TRPC5: variants seen among roughly 807,000 people sequenced by gnomAD.
TRPC5 encodes transient receptor potential cation channel subfamily C member 5, also known as short transient receptor potential channel 5.
TRPC5 carries 9 observed loss-of-function variants against 56.5 expected under a neutral mutation model. The ratio of observed to expected loss-of-function variants is 0.16; its 90% CI spans 0.10 to 0.28. The LOEUF is 0.28. Ranked by LOEUF, TRPC5 falls within the 10% of genes least tolerant of loss-of-function variation. The pLI is 1.00. For missense variants in TRPC5, 469 were observed against 748.9 expected, an observed-to-expected ratio of 0.63 and a Z score of 4.36; for synonymous variants, 282 against 278.5, an observed-to-expected ratio of 1.01 and a Z score of -0.13.
chrX:112,074,317 T>TATATA (rs773308138), intron 1 of TRPC5, among the ~76,000 whole-genome samples: 106 of 106,514 alleles, frequency 1.0e-3, no homozygotes, highest in African/African-American at 3.1e-3. Flanking sequence ...ATATATATAT[T>TATATA]TTTTATTGGG....
chrX:111,791,347 G>A (rs760315549), intron 7 of TRPC5, among the ~76,000 whole-genome samples: 1 of 111,697 alleles, frequency 9.0e-6, no homozygotes, highest in African/African-American at 3.2e-5. Flanking sequence ...AGCAAAGAAG[G>A]AGGCTATCCA....
chrX:111,966,122 T>C (rs528175182), intron 1 of TRPC5, among the ~76,000 whole-genome samples: 2,720 of 110,134 alleles, frequency 0.025, 86 homozygotes, highest in African/African-American at 0.084. Context: ...ATCAAATAGA[T>C]GCAATAAAAA....
At chrX:111,824,183 T>C (rs1263188481) in intron 7 of TRPC5, among the ~76,000 whole-genome samples, 3 of 105,484 alleles carry the variant, frequency 2.8e-5, no homozygotes, top group Non-Finnish European at 3.9e-5. Flanking sequence ...AGAGCTGAGA[T>C]TGTGCCACTG....
At chrX:112,028,266 CT>C (rs373476071) in intron 1 of TRPC5, among the ~76,000 whole-genome samples, 3,026 of 108,807 alleles carry the variant, frequency 0.028, 111 homozygotes, top group African/African-American at 0.095. Context: ...GTGCTTTTAA[CT>C]TTTTTTTTTC....
intron 7 of TRPC5, among the ~76,000 whole-genome samples, chrX:111,811,419 GCA>G (rs369105596): frequency 3.6e-5 from 4 of 112,111 alleles, no homozygotes; most frequent in Non-Finnish European, 5.6e-5. Context: ...GCTTGCGCGT[GCA>G]CACACACACA....
intron 3 of TRPC5, among the ~76,000 whole-genome samples, chrX:111,906,612 G>A (rs1271639355): frequency 9.0e-6 from 1 of 111,678 alleles, no homozygotes; most frequent in African/African-American, 3.2e-5. Flanking sequence ...TGTTCTGTGT[G>A]AAATACAGCT....
intron 1 of TRPC5, among the ~76,000 whole-genome samples, chrX:112,005,482 A>AAAAAAAAAAAAAAAAAAAC (rs1928814352): frequency 9.3e-6 from 1 of 107,688 alleles, no homozygotes; most frequent in African/African-American, 3.5e-5. Flanking sequence ...AAAAAAAAAA[A>AAAAAAAAAAAAAAAAAAAC]TATCTTACCA....
At chrX:111,782,503 T>C (rs1237682921) in intron 7 of TRPC5, among the ~76,000 whole-genome samples, 3 of 111,062 alleles carry the variant, frequency 2.7e-5, no homozygotes, top group Non-Finnish European at 5.7e-5. Context: ...TATGTATATA[T>C]ATGCATCTGT....
intron 1 of TRPC5, among the ~76,000 whole-genome samples, chrX:112,012,901 A>G (rs999781865): frequency 1.8e-5 from 2 of 111,613 alleles, no homozygotes; most frequent in African/African-American, 6.5e-5. Flanking sequence ...AGCTACTCCA[A>G]ACAACTTCCT....
chrX:112,013,878 G>A (rs967834636), intron 1 of TRPC5, among the ~76,000 whole-genome samples: 1 of 111,764 alleles, frequency 8.9e-6, no homozygotes, highest in Non-Finnish European at 1.9e-5. Flanking sequence ...TCAGAGAAGG[G>A]CATCGTTGGG....
chrX:111,916,003 T>A (rs1191917480), intron 2 of TRPC5, among the ~76,000 whole-genome samples: 1 of 110,571 alleles, frequency 9.0e-6, no homozygotes, highest in Non-Finnish European at 1.9e-5. Context: ...CAAGCACCTG[T>A]AGTCCCAGCT....
chrX:111,867,064 C>T (rs1254974564), intron 3 of TRPC5, among the ~76,000 whole-genome samples: 4 of 111,527 alleles, frequency 3.6e-5, no homozygotes, highest in South Asian at 3.8e-4. Flanking sequence ...CTAACTCATG[C>T]GAAACAAGTA....
chrX:111,979,462 G>A (rs980051732), intron 1 of TRPC5, among the ~76,000 whole-genome samples: 5 of 111,076 alleles, frequency 4.5e-5, no homozygotes. Context: ...ATAGATGAAA[G>A]GAAAGATTAA....
intron 1 of TRPC5, among the ~76,000 whole-genome samples, chrX:112,015,497 G>T (rs1312745768): frequency 9.0e-6 from 1 of 111,450 alleles, no homozygotes; most frequent in African/African-American, 3.3e-5. Context: ...GGGATTACAG[G>T]TGTGGGCCAC....
intron 7 of TRPC5, among the ~76,000 whole-genome samples, chrX:111,810,387 T>C: frequency 9.0e-6 from 1 of 111,526 alleles, no homozygotes; most frequent in South Asian, 3.8e-4. Context: ...ACTCTAATCT[T>C]AGGTAACAAA....
intron 1 of TRPC5, among the ~76,000 whole-genome samples, chrX:112,023,519 C>A (rs746982484): frequency 9.1e-6 from 1 of 109,444 alleles, no homozygotes; most frequent in Non-Finnish European, 1.9e-5. Flanking sequence ...GTATAAGAGG[C>A]TTCCTGTCAG....
At chrX:111,777,639 T>C (rs1945889103) in intron 10 of TRPC5, among the ~76,000 whole-genome samples, 1 of 111,895 alleles carries the variant, frequency 8.9e-6, no homozygotes, top group Non-Finnish European at 1.9e-5. Context: ...GCCTAGTACA[T>C]GTTGCTTTCT....
Position 111,777,052 on chromosome X carries a change from C to T in TRPC5, c.2233-50G>A, listed in dbSNP as rs773625318. 6 of 1,008,576 alleles carry T rather than the reference C, an allele frequency of 5.9e-6. No individual in the cohort carries two copies. In the African/African-American group the frequency reaches 1.1e-4, roughly 19 times the overall value. The allele number at this position is 1,008,576 out of a possible 1,213,427, so 83.1% of individuals were successfully genotyped here. A position where few individuals can be genotyped will look rare whatever the true frequency, so the allele number is the denominator to read the frequency against. ...ATGTCAAGAAGCTTGGTCTTTATTT[C>T]AAAGTAGGCACATTAGATACCTTTG... On this transcript the variant is annotated intron_variant, in intron 10 of 10. Transcript: ENST00000262839.
chrX:111,944,267 A>AGTGTGTGTGTGT lies in TRPC5; in HGVS notation c.378+7764_378+7775dup, dbSNP rs36057312. Reference sequence around the variant, plus strand: ...GGCCAAGGAGGTGTGGGAGTAGAAGAGTGTGTGTGTGTGTGTGTGTGTGTG... The same window carrying AGTGTGTGTGTGT: ...GGCCAAGGAGGTGTGGGAGTAGAAGAGTGTGTGTGTGTGTGTGTGTGTGTGTGTGTGTGTGTG... On this transcript the variant is annotated intron_variant, in intron 2 of 10. Transcript: ENST00000262839. Among the ~76,000 whole-genome samples, 28 of 71,705 alleles carry AGTGTGTGTGTGT rather than the reference A, an allele frequency of 3.9e-4. 1 individual carries two copies. The highest frequency in any genetic ancestry group is 1.1e-3 in the African/African-American group (18 of 17,114). 62.3% of individuals were successfully genotyped at this position (71,705 alleles called of 115,157 possible). A position where few individuals can be genotyped will look rare whatever the true frequency, so the allele number is the denominator to read the frequency against.
Sources: gnomAD v4.1 joint callset for allele counts (sites outside exome capture counted in the v4.1 genomes callset) on GRCh38, gnomAD v4.1.1 for gene constraint, MANE v1.5 for transcripts, NCBI Gene and HGNC (gene_info 2026-07-23, HGNC 2026-07-21) for gene names.